ELMO1: variants seen among roughly 807,000 people sequenced by gnomAD.
ELMO1 encodes the protein engulfment and cell motility 1.
Under a neutral mutation model 98.9 loss-of-function variants are expected in ELMO1, and 26 were observed. That is an observed-to-expected ratio of 0.26 (90% CI 0.19 to 0.36). The LOEUF (loss-of-function observed/expected upper bound fraction) is 0.36. ELMO1 is among the 10% of genes least tolerant of loss of function. The probability of loss-of-function intolerance (pLI) is 1.00; values close to 1 mark genes in which losing one functional copy is unlikely to be tolerated. For synonymous variants in ELMO1, 346 were observed against 346.0 expected (o/e 1.00, Z 0.00); for missense variants, 627 against 935.2 (o/e 0.67, Z 4.30).
intron 6 of ELMO1, among the ~76,000 whole-genome samples, chr7:37,248,416 C>T (rs1262513554): frequency 2.6e-5 from 4 of 151,910 alleles, no homozygotes; most frequent in Non-Finnish European, 5.9e-5. Context: ...AGGACAAAGA[C>T]GCACAGAGAA....
At chr7:37,326,073 A>G (rs1799784920) in intron 2 of ELMO1, among the ~76,000 whole-genome samples, 1 of 152,204 alleles carries the variant, frequency 6.6e-6, no homozygotes, top group South Asian at 2.1e-4. Context: ...AGCCTGATGA[A>G]TCTGAAAGGT....
At chr7:37,264,432 T>C (rs1046014237) in intron 5 of ELMO1, among the ~76,000 whole-genome samples, 3 of 152,198 alleles carry the variant, frequency 2.0e-5, no homozygotes. Context: ...TGAATTGTAA[T>C]ATTCTAAACA....
At chr7:37,123,790 G>A (rs967253538) in intron 14 of ELMO1, among the ~76,000 whole-genome samples, 1 of 152,184 alleles carries the variant, frequency 6.6e-6, no homozygotes, top group African/African-American at 2.4e-5. Flanking sequence ...CATTTCATGA[G>A]GCCAGCATCA....
intron 2 of ELMO1, among the ~76,000 whole-genome samples, chr7:37,332,408 C>T (rs1185904783): frequency 6.6e-6 from 1 of 152,154 alleles, no homozygotes; most frequent in African/African-American, 2.4e-5. Context: ...CATACTTGGC[C>T]CATGCAGAGC....
chr7:37,045,632 G>A (rs1795754147), intron 15 of ELMO1, among the ~76,000 whole-genome samples: 2 of 152,054 alleles, frequency 1.3e-5, no homozygotes, highest in Non-Finnish European at 2.9e-5. Context: ...GAACTTGGGA[G>A]GAAGAAGAGG....
At chr7:36,862,988 C>T (rs1047850771) in intron 20 of ELMO1, among the ~76,000 whole-genome samples, 1 of 152,134 alleles carries the variant, frequency 6.6e-6, no homozygotes, top group African/African-American at 2.4e-5. Context: ...AAGAATTATT[C>T]CAAAGTGGCT....
chr7:37,429,877 T>C (rs903237907), intron 1 of ELMO1: 1 of 152,248 alleles, frequency 6.6e-6, no homozygotes, highest in African/African-American at 2.4e-5. Flanking sequence ...AATTACCTGG[T>C]GCAGAGTCTT....
intron 19 of ELMO1, among the ~76,000 whole-genome samples, chr7:36,877,579 C>A (rs1362672941): frequency 2.0e-5 from 3 of 152,182 alleles, no homozygotes; most frequent in Admixed American, 6.5e-5. Context: ...GCCATTAACT[C>A]TGTGTCATAA....
chr7:37,010,682 T>G (rs1793483010), intron 16 of ELMO1, among the ~76,000 whole-genome samples: 1 of 152,256 alleles, frequency 6.6e-6, no homozygotes, highest in African/African-American at 2.4e-5. Flanking sequence ...CGCCTTGATT[T>G]TGTCCTAGTG....
At chr7:37,378,996 A>G (rs1802478992) in intron 1 of ELMO1, among the ~76,000 whole-genome samples, 2 of 151,478 alleles carry the variant, frequency 1.3e-5, no homozygotes, top group East Asian at 3.9e-4. Flanking sequence ...GTGGATCCCC[A>G]TTGCTCCTAG....
At chr7:37,002,892 C>T (rs1025921100) in intron 16 of ELMO1, among the ~76,000 whole-genome samples, 2 of 152,128 alleles carry the variant, frequency 1.3e-5, no homozygotes, top group African/African-American at 4.8e-5. Context: ...GACATAAGTT[C>T]TAGGGTATAG....
chr7:37,073,896 A>C (rs1797418363), intron 15 of ELMO1, among the ~76,000 whole-genome samples: 1 of 151,462 alleles, frequency 6.6e-6, no homozygotes, highest in African/African-American at 2.4e-5. Flanking sequence ...TAAAATTTTT[A>C]ATGTATTGAT....
At chr7:37,134,343 T>C (rs1402123732) in intron 13 of ELMO1, among the ~76,000 whole-genome samples, 1 of 151,834 alleles carries the variant, frequency 6.6e-6, no homozygotes, top group East Asian at 1.9e-4. Flanking sequence ...CTGAGGCAGG[T>C]GGATTATGAG....
At chr7:37,147,968 G>C (rs1170936415) in intron 13 of ELMO1, among the ~76,000 whole-genome samples, 3 of 152,152 alleles carry the variant, frequency 2.0e-5, no homozygotes, top group Non-Finnish European at 4.4e-5. Context: ...CATCTGAAAG[G>C]GTATTGACAG....
intron 15 of ELMO1, among the ~76,000 whole-genome samples, chr7:37,062,699 G>T (rs1422055155): frequency 6.6e-6 from 1 of 152,162 alleles, no homozygotes; most frequent in African/African-American, 2.4e-5. Context: ...CGTTCCCATA[G>T]CAACTGCAGC....
intron 1 of ELMO1, among the ~76,000 whole-genome samples, chr7:37,407,291 C>T (rs1176819998): frequency 4.6e-5 from 7 of 151,924 alleles, no homozygotes; most frequent in Non-Finnish European, 1.0e-4. Flanking sequence ...GGGCAGATCA[C>T]GAGGTCAGGA....
At chr7:37,374,199 C>G (rs1802232062) in intron 1 of ELMO1, among the ~76,000 whole-genome samples, 1 of 152,130 alleles carries the variant, frequency 6.6e-6, no homozygotes, top group African/African-American at 2.4e-5. Context: ...GGCCCTAACA[C>G]CAGTATGCCA....
At chr7:37,101,071 C>G (rs73335545) in intron 14 of ELMO1, among the ~76,000 whole-genome samples, 1 of 152,358 alleles carries the variant, frequency 6.6e-6, no homozygotes, top group African/African-American at 2.4e-5. Context: ...CAACATTTCA[C>G]ACAACACTTT....
intron 15 of ELMO1, among the ~76,000 whole-genome samples, chr7:37,036,531 T>C (rs991942133): frequency 2.6e-5 from 4 of 152,098 alleles, no homozygotes; most frequent in South Asian, 2.1e-4. Context: ...CACCACATCA[T>C]CTAGTCAATT....
Sources: allele counts gnomAD v4.1 joint callset (sites outside exome capture counted in the v4.1 genomes callset), GRCh38; gene constraint gnomAD v4.1.1; transcripts MANE v1.5; gene names NCBI Gene and HGNC (gene_info 2026-07-23, HGNC 2026-07-21).